CEMIP: variants seen among roughly 807,000 people sequenced by gnomAD.
CEMIP encodes cell migration-inducing and hyaluronan-binding protein.
Under a neutral mutation model 156.9 loss-of-function variants are expected in CEMIP, and 105 were observed. The observed-to-expected ratio is 0.67, with a 90% CI of 0.57 to 0.79. The LOEUF is 0.79. Among genes scored for constraint, CEMIP ranks in the 30% least tolerant of loss-of-function variants. CEMIP has a pLI of 0.00. For synonymous variants in CEMIP, 676 were observed against 668.4 expected, an observed-to-expected ratio of 1.01 and a Z score of -0.17; for missense variants, 1,457 against 1,769.4, an observed-to-expected ratio of 0.82 and a Z score of 3.17.
intron 14 of CEMIP, among the ~76,000 whole-genome samples, chr15:80,910,679 G>A (rs541913881): frequency 3.3e-5 from 5 of 152,348 alleles, no homozygotes; most frequent in Admixed American, 6.5e-5. Flanking sequence ...ATTGTGAGCT[G>A]TGGGACCTTG....
Position 80,920,300 on chromosome 15 carries a change from G to GT in CEMIP, c.2003+2dup, listed in dbSNP as rs757982816. ...TCCCCAAGCCCAGGCAAGACTGCAA[G>GT]TAAGTGCCTGGACCCCTCTCTGTGT... On this transcript the variant is annotated splice_donor_variant, in intron 15 of 29. Transcript: ENST00000394685. LOFTEE classifies it high-confidence loss of function. The GT allele has an allele frequency of 1.8e-5, 29 of 1,613,312 alleles. No individual in the cohort carries two copies. Among genetic ancestry groups the GT allele is most frequent in the Non-Finnish European group, 2.5e-5 (29 of 1,179,300 alleles).
intron 7 of CEMIP, 97 bp from the exon 8 acceptor site, chr15:80,887,596 AC>A (rs2141841652): frequency 2.3e-6 from 2 of 880,622 alleles, no homozygotes; most frequent in Non-Finnish European, 3.7e-6. Flanking sequence ...ACCCTCCTTC[AC>A]CTGACGCTGC....
chr15:80,824,049 C>T (rs1205897194), intron 1 of CEMIP, among the ~76,000 whole-genome samples: 1 of 152,222 alleles, frequency 6.6e-6, no homozygotes, highest in Non-Finnish European at 1.5e-5. Flanking sequence ...GCACTGAACT[C>T]TCCCTGCTGT....
intron 28 of CEMIP, among the ~76,000 whole-genome samples, chr15:80,945,914 C>T (rs556756842): frequency 1.3e-5 from 2 of 152,346 alleles, no homozygotes; most frequent in Middle Eastern, 6.8e-3. Flanking sequence ...TCCTTATTCC[C>T]AAGTCGAACT....
rs1266166153 is a variant in CEMIP, at chr15:80,821,540, G to A, written c.-176+41926G>A. Among the ~76,000 whole-genome samples the A allele has an allele frequency of 2.6e-5, 4 of 152,248 alleles. No individual in the cohort carries two copies. The South Asian group carries it at 6.2e-4, about 24-fold the overall frequency. On this transcript the variant is annotated intron_variant, in intron 1 of 29. Transcript: ENST00000394685. ...CAACCAGGTGAAAATAATAGGGTCCGAAAATAGAAGAGCATATTCAAGAGG... is the reference window on the plus strand; with the variant it reads ...CAACCAGGTGAAAATAATAGGGTCCAAAAATAGAAGAGCATATTCAAGAGG...
chr15:80,908,854 C>A (rs975150860), intron 13 of CEMIP, among the ~76,000 whole-genome samples: 1 of 152,204 alleles, frequency 6.6e-6, no homozygotes, highest in African/African-American at 2.4e-5. Flanking sequence ...TTCAGAACAT[C>A]TCATTTCTAA....
At chr15:80,935,220 G>A (rs1173575098) in intron 23 of CEMIP, among the ~76,000 whole-genome samples, 2 of 152,058 alleles carry the variant, frequency 1.3e-5, no homozygotes, top group Admixed American at 1.3e-4. Flanking sequence ...AGGGAAGTGG[G>A]GTCAGAAGGG....
intron 1 of CEMIP, among the ~76,000 whole-genome samples, chr15:80,822,676 A>G (rs1896939318): frequency 6.6e-6 from 1 of 152,066 alleles, no homozygotes; most frequent in Non-Finnish European, 1.5e-5. Context: ...GATGGTGAAC[A>G]CTCTAAGGTG....
At chr15:80,786,232 T>C (rs28561662) in intron 1 of CEMIP, among the ~76,000 whole-genome samples, 5,718 of 152,176 alleles carry the variant, frequency 0.038, 369 homozygotes, top group African/African-American at 0.13. Flanking sequence ...TTTGTGTTGC[T>C]ATGTCTTTTT....
chr15:80,937,016 T>G (rs958344290), intron 24 of CEMIP, 131 bp downstream of exon 24: 37 of 860,374 alleles, frequency 4.3e-5, no homozygotes, highest in African/African-American at 3.8e-4. Context: ...CTAGAGGGGT[T>G]GACATCACCC....
At chr15:80,917,451 G>C (rs986277157) in intron 14 of CEMIP, among the ~76,000 whole-genome samples, 1 of 152,200 alleles carries the variant, frequency 6.6e-6, no homozygotes, top group Non-Finnish European at 1.5e-5. Context: ...AGATGTTCTG[G>C]CCAGCTCAGG....
intron 1 of CEMIP, among the ~76,000 whole-genome samples, chr15:80,808,786 C>CAAA (rs34648120): frequency 3.5e-5 from 5 of 144,080 alleles, no homozygotes; most frequent in African/African-American, 1.3e-4. Flanking sequence ...ATGGGGAAGC[C>CAAA]AAAAAAAAAA....
rs148975813 is a variant in CEMIP, at chr15:80,799,449, A to G, written c.-176+19835A>G. On this transcript the variant is annotated intron_variant, in intron 1 of 29. Coordinates refer to ENST00000394685, the MANE Select transcript of CEMIP (RefSeq NM_001293298.2). ...AGGCTAGGGAAGGCCTGGTCTGGAG[A>G]GAAGTCACAATTTTGAGAGTCATAT... Among the ~76,000 whole-genome samples, 51 of 152,352 alleles carry G rather than the reference A, an allele frequency of 3.3e-4. No individual in the cohort carries two copies. In the East Asian group the frequency reaches 6.9e-3, roughly 21 times the overall value.
chr15:80,800,019 T>TTGTGTGTGTGTGTGTGTGTG (rs1428935403), intron 1 of CEMIP, among the ~76,000 whole-genome samples: 3 of 55,148 alleles, frequency 5.4e-5, no homozygotes, highest in African/African-American at 2.5e-4. Context: ...CCAGCTAATT[T>TTGTGTGTGTGTGTGTGTGTG]TATGTGTGTG....
At chr15:80,890,379 G>C (rs568693966) in intron 10 of CEMIP, among the ~76,000 whole-genome samples, 1 of 149,450 alleles carries the variant, frequency 6.7e-6, no homozygotes, top group African/African-American at 2.5e-5. Flanking sequence ...AGGAGTTAGA[G>C]ACCAGCCTGG....
chr15:80,866,815 A>G (rs568344853), intron 1 of CEMIP, among the ~76,000 whole-genome samples: 284 of 151,172 alleles, frequency 1.9e-3, no homozygotes, highest in African/African-American at 6.6e-3. Flanking sequence ...CTATGGATAC[A>G]TAAAAGGTAC....
rs540290182 is a variant in CEMIP, at chr15:80,898,786, G to A, written c.1411+2726G>A. ...CTCTGCATGTCTCCAGTGCCTCAAG[G>A]TGTGGATGCCATCTCTGTCAGTGTG... is the stretch of plus-strand genomic sequence containing the variant. On this transcript the variant is annotated intron_variant, in intron 12 of 29. Coordinates refer to ENST00000394685, the MANE Select transcript of CEMIP (RefSeq NM_001293298.2). 2.2e-4 allele frequency among the ~76,000 whole-genome samples: 33 copies of A among 152,300 alleles called. No individual in the cohort carries two copies. The South Asian group carries it at 6.8e-3, about 32-fold the overall frequency.
rs189388774 is a variant in CEMIP at position 80,796,971 on chromosome 15, A to G, written c.-176+17357A>G. ...GGCATTTTAGGCAAAGGGCAATCAG[A>G]TAACCTGGTACATTAAAGGAGCTAT... On this transcript the variant is annotated intron_variant, in intron 1 of 29. Transcript: ENST00000394685. 2.3e-4 allele frequency among the ~76,000 whole-genome samples: 35 copies of G among 152,320 alleles called. No homozygotes were observed. In the East Asian group the frequency reaches 2.7e-3, roughly 12 times the overall value.
chr15:80,803,540 TG>T (rs1173411943), intron 1 of CEMIP, among the ~76,000 whole-genome samples: 1 of 152,056 alleles, frequency 6.6e-6, no homozygotes, highest in Non-Finnish European at 1.5e-5. Flanking sequence ...GAAGACAAGG[TG>T]GTGAAGATGA....
Sources: allele counts gnomAD v4.1 joint callset (sites outside exome capture counted in the v4.1 genomes callset), GRCh38; gene constraint gnomAD v4.1.1; transcripts MANE v1.5; gene names NCBI Gene and HGNC (gene_info 2026-07-23, HGNC 2026-07-21).